ECSIT: variants seen among roughly 807,000 people sequenced by gnomAD.
ECSIT encodes ECSIT signaling integrator.
In ECSIT, 29 loss-of-function variants were observed where a neutral mutation model predicts 36.8. The ratio of observed to expected loss-of-function variants is 0.79; its 90% confidence interval spans 0.59 to 1.08. The LOEUF (loss-of-function observed/expected upper bound fraction) is 1.08, where lower values mean the gene tolerates loss of function less well. Among genes scored for constraint, ECSIT ranks in the 50% least tolerant of loss-of-function variants. ECSIT has a pLI of 0.00. For missense variants in ECSIT, 542 were observed against 581.0 expected (o/e 0.93, Z 0.69); for synonymous variants, 231 against 234.8 (o/e 0.98, Z 0.15).
intron 1 of ECSIT, chr19:11,523,655 T>C (rs1972153500): frequency 1.3e-6 from 1 of 779,738 alleles, no homozygotes; most frequent in Non-Finnish European, 2.2e-6. Context: ...GAGCACCAAA[T>C]CAACTTAATT....
chr19:11,505,955 C>A lies in ECSIT; in HGVS notation c.*229G>T. ...GCGCACAACCAACAGCGCTCCCGCC[C>A]CTTTTTATTTGAATTCGGAGAACCA... On this transcript the variant is annotated 3_prime_UTR_variant, in exon 8 of 8. Coordinates refer to ENST00000270517, the MANE Select transcript of ECSIT (RefSeq NM_016581.5). 3 of 922,472 alleles carry A rather than the reference C, an allele frequency of 3.3e-6. No homozygotes were observed. The South Asian group carries it at 5.4e-5, about 17-fold the overall frequency. The allele number at this position is 922,472 out of a possible 1,614,324, so 57.1% of individuals were successfully genotyped here.
chr19:11,511,511 C>T (rs552361024), intron 4 of ECSIT, among the ~76,000 whole-genome samples: 17 of 152,202 alleles, frequency 1.1e-4, no homozygotes, highest in African/African-American at 3.6e-4. Context: ...GAACAGAGAA[C>T]GCAAAGCCCT....
chr19:11,512,747 C>A (rs1971895701), intron 4 of ECSIT, among the ~76,000 whole-genome samples: 1 of 150,828 alleles, frequency 6.6e-6, no homozygotes, highest in Non-Finnish European at 1.5e-5. Context: ...CCAGCCTGGG[C>A]AATATAGTGA....
intron 7 of ECSIT, among the ~76,000 whole-genome samples, chr19:11,507,057 C>G (rs982338642): frequency 6.6e-6 from 1 of 152,104 alleles, no homozygotes; most frequent in Non-Finnish European, 1.5e-5. Flanking sequence ...CTGGTGACAC[C>G]CAGTAGCCAG....
rs1322899107 is a variant in ECSIT, at chr19:11,506,240, C to T, written c.1240G>A (p.Glu414Lys). 1.9e-6 allele frequency: 3 copies of T among 1,609,626 alleles called. No homozygotes were observed. The highest frequency in any genetic ancestry group is 2.5e-6 in the Non-Finnish European group (3 of 1,179,828). The change falls in exon 8 of 8, where the codon GAG becomes AAG. Residue 414 changes from glutamate (E) to lysine (K), a missense_variant. Glu to Lys is a moderately conservative substitution (Grantham distance 56). Transcript: ENST00000270517. ...TTGTCGTCTTCTTCCTGGTGGTCCT[C>T]GGGCAGGGGCGGCTCCTCCAGCCCT... is the stretch of plus-strand genomic sequence containing the variant. ...SAGLEEPPLP[E>K]DHQEEDDNLQ... is the part of the protein sequence containing the mutation.
chr19:11,521,370 T>A (rs1167858972), intron 1 of ECSIT, among the ~76,000 whole-genome samples: 1 of 152,164 alleles, frequency 6.6e-6, no homozygotes, highest in Non-Finnish European at 1.5e-5. Context: ...TGGGGATGAC[T>A]GCACCATTTC....
At chr19:11,522,120 AAAG>A in intron 1 of ECSIT, 1 of 386,200 alleles carries the variant, frequency 2.6e-6, no homozygotes, top group Non-Finnish European at 5.0e-6. Context: ...TATCTCAGCT[AAAG>A]AAGATGAAGA....
At chr19:11,515,167 G>T (rs1345462950) in intron 2 of ECSIT, among the ~76,000 whole-genome samples, 4 of 147,448 alleles carry the variant, frequency 2.7e-5, no homozygotes, top group Non-Finnish European at 5.9e-5. Flanking sequence ...GCAGTGGCGC[G>T]ATCTCGGCTC....
intron 4 of ECSIT, among the ~76,000 whole-genome samples, chr19:11,512,622 GACTCAGCC>G (rs1410191510): frequency 2.0e-5 from 3 of 152,010 alleles, no homozygotes; most frequent in South Asian, 4.1e-4. Context: ...CCTACCAGGG[GACTCAGCC>G]AGAGAATCAG....
intron 2 of ECSIT, among the ~76,000 whole-genome samples, chr19:11,518,832 A>G (rs182852843): frequency 6.6e-6 from 1 of 152,058 alleles, no homozygotes; most frequent in East Asian, 1.9e-4. Flanking sequence ...CTGGGAGGTC[A>G]AGACTACAGT....
chr19:11,506,801 C>T (rs935323394), intron 7 of ECSIT, among the ~76,000 whole-genome samples: 1 of 152,204 alleles, frequency 6.6e-6, no homozygotes. Context: ...TCCCAGAGTG[C>T]TGGGATTACA....
intron 1 of ECSIT, among the ~76,000 whole-genome samples, chr19:11,525,066 G>A (rs899129426): frequency 6.6e-6 from 1 of 152,174 alleles, no homozygotes; most frequent in African/African-American, 2.4e-5. Context: ...GGACCTGGGA[G>A]ACAGAGGTTG....
chr19:11,506,859 A>C (rs186414536), intron 7 of ECSIT, among the ~76,000 whole-genome samples: 2 of 151,900 alleles, frequency 1.3e-5, no homozygotes, highest in South Asian at 2.1e-4. Context: ...TGTGCCTCCA[A>C]ACCTTTGCAC....
At position 11,505,940 on chromosome 19, in the gene ECSIT, A is replaced by G. The variant is rs1453254641; in HGVS notation, c.*244T>C. 3 of 897,170 alleles carry G rather than the reference A, an allele frequency of 3.3e-6. No individual in the cohort carries two copies. The highest frequency in any genetic ancestry group is 3.4e-5 in the African/African-American group (2 of 58,136). 55.6% of individuals were successfully genotyped at this position (897,170 alleles called of 1,614,324 possible). A position where few individuals can be genotyped will look rare whatever the true frequency, so the allele number is the denominator to read the frequency against. ...ATGGAAACTGCGCATGCGCACAACC[A>G]ACAGCGCTCCCGCCCCTTTTTATTT... On this transcript the variant is annotated 3_prime_UTR_variant, in exon 8 of 8. Transcript: ENST00000270517.
At chr19:11,515,317 A>G (rs573360174) in intron 2 of ECSIT, among the ~76,000 whole-genome samples, 21 of 150,090 alleles carry the variant, frequency 1.4e-4, no homozygotes, top group Middle Eastern at 3.6e-3. Context: ...GTTAGTCAGG[A>G]TGGTCTCGAT....
chr19:11,523,625 T>A lies in ECSIT; in HGVS notation c.-23-4432A>T, dbSNP rs1036216052. The A allele has an allele frequency of 8.0e-6, 7 of 876,490 alleles. No individual in the cohort carries two copies. In the Admixed American group the frequency reaches 1.2e-4, roughly 15 times the overall value. The allele number at this position is 876,490 out of a possible 1,614,324, so 54.3% of individuals were successfully genotyped here. ...TGTGATAAGCCTATGTATGTCAAGC[T>A]GGTGGAGTCCCTTTGTGCTGAGCAC... On this transcript the variant is annotated intron_variant, in intron 1 of 7. Coordinates refer to ENST00000270517, the MANE Select transcript of ECSIT (RefSeq NM_016581.5).
At position 11,507,861 on chromosome 19, in the gene ECSIT, G is replaced by A; in HGVS notation, c.797-11C>T. 2 of 1,613,804 alleles carry A rather than the reference G, an allele frequency of 1.2e-6. No homozygotes were observed. Among genetic ancestry groups the A allele is most frequent in the African/African-American group, 2.7e-5 (2 of 75,042 alleles). On this transcript the variant is annotated splice_polypyrimidine_tract_variant and intron_variant, in intron 5 of 7. Coordinates refer to ENST00000270517, the MANE Select transcript of ECSIT (RefSeq NM_016581.5). ...CGGGACTCTGGATTCCTGGTGTGGA[G>A]ACATACATGCCCTGTGCCCTGCAAG...
At chr19:11,513,699 G>A (rs923325396) in intron 3 of ECSIT, 105 bp downstream of exon 3, 2 of 1,337,694 alleles carry the variant, frequency 1.5e-6, no homozygotes, top group African/African-American at 2.9e-5. Context: ...GAGCGAGAGA[G>A]ACAGAGACGG....
At position 11,507,810 on chromosome 19, in the gene ECSIT, G is replaced by A; in HGVS notation, c.837C>T (p.His279=). The A allele has an allele frequency of 1.2e-6, 2 of 1,613,686 alleles. No individual in the cohort carries two copies. Among genetic ancestry groups the A allele is most frequent in the Non-Finnish European group, 1.7e-6 (2 of 1,180,004 alleles). The part of the protein sequence containing the change: ...SPDQQAALAR[H]NPARPVFVEG... Reference sequence around the variant, plus strand: ...CAACAAAGACAGGCCGGGCTGGATTGTGGCGGGCCAGGGCGGCCTGCTGAT... The same window carrying A: ...CAACAAAGACAGGCCGGGCTGGATTATGGCGGGCCAGGGCGGCCTGCTGAT... The change falls in exon 6 of 8, where the codon CAC becomes CAT. Residue 279 remains histidine (H), a synonymous_variant. Coordinates refer to ENST00000270517, the MANE Select transcript of ECSIT (RefSeq NM_016581.5).
Sources: allele counts gnomAD v4.1 joint callset (sites outside exome capture counted in the v4.1 genomes callset), GRCh38; gene constraint gnomAD v4.1.1; transcripts MANE v1.5; gene names NCBI Gene and HGNC (gene_info 2026-07-23, HGNC 2026-07-21).